The following NPAS3 variants were observed in gnomAD, a reference collection of about 807,000 sequenced individuals.
The protein encoded by NPAS3 is neuronal PAS domain-containing protein 3.
Under a neutral mutation model 73.1 loss-of-function variants are expected in NPAS3, and 14 were observed. That is an observed-to-expected ratio of 0.19 (90% CI 0.13 to 0.30). The LOEUF (loss-of-function observed/expected upper bound fraction) is 0.30. Ranked by LOEUF, NPAS3 falls within the 10% of genes least tolerant of loss-of-function variation. The pLI is 1.00. For synonymous variants in NPAS3, 620 were observed against 541.5 expected (o/e 1.14, Z -2.01); for missense variants, 1,096 against 1,250.0 (o/e 0.88, Z 1.86).
chr14:33,654,121 T>G (rs1230472987), intron 5 of NPAS3, among the ~76,000 whole-genome samples: 1 of 152,230 alleles, frequency 6.6e-6, no homozygotes, highest in Non-Finnish European at 1.5e-5. Flanking sequence ...ATGCATTTCC[T>G]TGTTTATTCT....
chr14:33,613,614 A>G (rs2140060379), intron 5 of NPAS3, among the ~76,000 whole-genome samples: 1 of 152,120 alleles, frequency 6.6e-6, no homozygotes, highest in South Asian at 2.1e-4. Context: ...AGGGGAATGA[A>G]TGTCCCTGCC....
chr14:32,990,826 C>A (rs948053009), intron 1 of NPAS3, among the ~76,000 whole-genome samples: 2 of 149,792 alleles, frequency 1.3e-5, no homozygotes, highest in South Asian at 4.5e-4. Flanking sequence ...ACTTGGGAGG[C>A]TGAAGTGGGA....
chr14:33,364,678 ATG>A (rs2045756288), intron 3 of NPAS3, among the ~76,000 whole-genome samples: 1 of 152,200 alleles, frequency 6.6e-6, no homozygotes, highest in South Asian at 2.1e-4. Context: ...GATAGAACTC[ATG>A]GATGAAGACA....
chr14:33,340,481 G>T (rs928771900), intron 3 of NPAS3, among the ~76,000 whole-genome samples: 5 of 152,070 alleles, frequency 3.3e-5, no homozygotes, highest in African/African-American at 7.2e-5. Flanking sequence ...GGTGACAGAG[G>T]GAGACTCCGT....
chr14:33,368,987 A>C (rs1008868217), intron 4 of NPAS3, among the ~76,000 whole-genome samples: 3 of 152,200 alleles, frequency 2.0e-5, no homozygotes, highest in African/African-American at 7.2e-5. Flanking sequence ...TCTTTCTGGA[A>C]ATCATGACTC....
At chr14:33,012,633 C>T (rs1158269248) in intron 1 of NPAS3, among the ~76,000 whole-genome samples, 1 of 151,918 alleles carries the variant, frequency 6.6e-6, no homozygotes, top group Non-Finnish European at 1.5e-5. Context: ...ACTGCAACCT[C>T]CGCCTCCCGG....
At chr14:33,190,541 T>C (rs953728016) in intron 2 of NPAS3, among the ~76,000 whole-genome samples, 2 of 152,368 alleles carry the variant, frequency 1.3e-5, no homozygotes, top group Admixed American at 6.5e-5. Context: ...ATTGAATCTT[T>C]AGCTCACATT....
At chr14:33,402,144 A>G (rs911936856) in intron 4 of NPAS3, among the ~76,000 whole-genome samples, 4 of 152,010 alleles carry the variant, frequency 2.6e-5, no homozygotes, top group East Asian at 1.9e-4. Context: ...TCTGATTTAC[A>G]TATCTCATGA....
intron 2 of NPAS3, among the ~76,000 whole-genome samples, chr14:33,201,297 A>G (rs2046604639): frequency 9.5e-6 from 1 of 105,538 alleles, no homozygotes; most frequent in Non-Finnish European, 2.1e-5. Flanking sequence ...CTCCCCTAAC[A>G]ATGGTGTGTG....
chr14:33,590,690 C>T (rs570261477), intron 5 of NPAS3, among the ~76,000 whole-genome samples: 1 of 152,256 alleles, frequency 6.6e-6, no homozygotes, highest in East Asian at 1.9e-4. Context: ...ACATCAATCC[C>T]CCATGCGTTG....
chr14:33,476,054 A>G (rs1264427854), intron 4 of NPAS3, among the ~76,000 whole-genome samples: 3 of 152,182 alleles, frequency 2.0e-5, no homozygotes, highest in African/African-American at 7.2e-5. Context: ...CAGACTCCCT[A>G]AAAGGCACAG....
rs551434616 is a variant in NPAS3 at position 33,304,715 on chromosome 14, A to G, written c.386-62471A>G. Reference sequence around the variant, plus strand: ...CTAAACAGTATAATGAGCTAGGTTTATCTAGCATCTATAACCAAGCTATGA... The same window carrying G: ...CTAAACAGTATAATGAGCTAGGTTTGTCTAGCATCTATAACCAAGCTATGA... On this transcript the variant is annotated intron_variant, in intron 3 of 11. Coordinates refer to ENST00000356141, the Ensembl canonical transcript of NPAS3. Among the ~76,000 whole-genome samples the G allele has an allele frequency of 1.8e-4, 27 of 152,250 alleles. No individual in the cohort carries two copies. The South Asian group carries it at 4.6e-3, about 26-fold the overall frequency.
chr14:33,330,398 G>A (rs562841934), intron 3 of NPAS3, among the ~76,000 whole-genome samples: 3 of 152,238 alleles, frequency 2.0e-5, no homozygotes, highest in African/African-American at 7.2e-5. Context: ...ACTTCCTGTG[G>A]GACCTTGGGC....
intron 1 of NPAS3, among the ~76,000 whole-genome samples, chr14:32,989,948 G>C (rs911683854): frequency 2.0e-5 from 3 of 152,088 alleles, no homozygotes; most frequent in African/African-American, 7.2e-5. Context: ...TGTGAATAGG[G>C]GTGGACTTGA....
intron 2 of NPAS3, among the ~76,000 whole-genome samples, chr14:33,091,163 G>A (rs2042211028): frequency 6.6e-6 from 1 of 152,078 alleles, no homozygotes; most frequent in African/African-American, 2.4e-5. Flanking sequence ...AGGAGATAGA[G>A]ACACAAAAAA....
chr14:33,389,609 A>C (rs2138580675), intron 4 of NPAS3, among the ~76,000 whole-genome samples: 1 of 152,330 alleles, frequency 6.6e-6, no homozygotes, highest in South Asian at 2.1e-4. Flanking sequence ...CTTGAGGTTG[A>C]AGCCACAATC....
At chr14:33,201,431 C>T (rs2046612530) in intron 2 of NPAS3, among the ~76,000 whole-genome samples, 1 of 152,170 alleles carries the variant, frequency 6.6e-6, no homozygotes, top group South Asian at 2.1e-4. Flanking sequence ...TTGAGAATCA[C>T]TGCCGTTTTC....
chr14:33,231,237 G>A (rs115341635), intron 3 of NPAS3, among the ~76,000 whole-genome samples: 255 of 152,276 alleles, frequency 1.7e-3, no homozygotes, highest in African/African-American at 5.9e-3. Context: ...ATTCTCTTAT[G>A]TAAAGGATTT....
intron 1 of NPAS3, among the ~76,000 whole-genome samples, chr14:32,994,621 TGTTTGTTTGTTTTTG>T: frequency 6.9e-6 from 1 of 143,956 alleles, no homozygotes; most frequent in African/African-American, 2.7e-5. Flanking sequence ...GTTTTTTGTT[TGTTTGTTTGTTTTTG>T]TTTTTTTTTT....
Sources: gnomAD v4.1 joint callset for allele counts (sites outside exome capture counted in the v4.1 genomes callset) on GRCh38, gnomAD v4.1.1 for gene constraint, MANE v1.5 for transcripts, NCBI Gene and HGNC (gene_info 2026-07-23, HGNC 2026-07-21) for gene names.